The following HRH1 variants were observed in gnomAD, a reference collection of about 807,000 sequenced individuals.
HRH1 encodes histamine H1 receptor.
Under a neutral mutation model 10.3 loss-of-function variants are expected in HRH1, and 6 were observed. That is an observed-to-expected ratio of 0.58 (90% CI 0.32 to 1.15). The LOEUF (loss-of-function observed/expected upper bound fraction) is 1.15. Ranked by LOEUF, HRH1 falls within the 50% of genes most tolerant of loss-of-function variation. The pLI is 0.05. For missense variants in HRH1, 514 were observed against 615.3 expected (o/e 0.84, Z 1.74); for synonymous variants, 242 against 236.7 (o/e 1.02, Z -0.21).
chr3:11,244,881 G>A (rs1353373755), intron 1 of HRH1, among the ~76,000 whole-genome samples: 1 of 152,218 alleles, frequency 6.6e-6, no homozygotes, highest in Non-Finnish European at 1.5e-5. Context: ...TCCCCCAGGG[G>A]ATACCTGGCA....
intron 1 of HRH1, among the ~76,000 whole-genome samples, chr3:11,241,462 A>C (rs555474710): frequency 3.9e-5 from 6 of 152,162 alleles, no homozygotes; most frequent in African/African-American, 1.4e-4. Context: ...GGATTGTAAA[A>C]CGCACCAATC....
chr3:11,249,530 A>G (rs777016901), intron 1 of HRH1, among the ~76,000 whole-genome samples: 1 of 152,140 alleles, frequency 6.6e-6, no homozygotes, highest in East Asian at 1.9e-4. Context: ...TGCTCCTACC[A>G]TAAAAATGGC....
intron 1 of HRH1, among the ~76,000 whole-genome samples, chr3:11,225,523 C>T (rs578127453): frequency 2.0e-5 from 3 of 152,280 alleles, no homozygotes; most frequent in Admixed American, 6.5e-5. Flanking sequence ...CACTCAGTGA[C>T]GGGAACATAT....
At chr3:11,245,963 A>G (rs1164842327) in intron 1 of HRH1, among the ~76,000 whole-genome samples, 1 of 151,710 alleles carries the variant, frequency 6.6e-6, no homozygotes, top group Admixed American at 6.6e-5. Flanking sequence ...ACATACTCAT[A>G]CACACACACT....
intron 1 of HRH1, among the ~76,000 whole-genome samples, chr3:11,245,267 C>T (rs1939448272): frequency 1.3e-5 from 2 of 152,008 alleles, no homozygotes; most frequent in African/African-American, 4.8e-5. Context: ...GCAGGGGAAT[C>T]ACTTGAACCC....
At chr3:11,163,169 A>G (rs777126168) in intron 1 of HRH1, among the ~76,000 whole-genome samples, 7 of 151,788 alleles carry the variant, frequency 4.6e-5, no homozygotes, top group Non-Finnish European at 1.0e-4. Context: ...GCTCCTCCCC[A>G]CTGTGCATCA....
chr3:11,161,772 A>T (rs780202292), intron 1 of HRH1, among the ~76,000 whole-genome samples: 25 of 152,166 alleles, frequency 1.6e-4, no homozygotes, highest in Non-Finnish European at 3.4e-4. Flanking sequence ...TTGTTTATTG[A>T]TTGATTCTCA....
chr3:11,193,031 C>T (rs346089), intron 1 of HRH1, among the ~76,000 whole-genome samples: 132,996 of 152,316 alleles, frequency 0.87, 58,462 homozygotes, highest in East Asian at 1. Flanking sequence ...GTAATAAATA[C>T]AAGTTAAAGC....
intron 1 of HRH1, among the ~76,000 whole-genome samples, chr3:11,252,519 T>A (rs1939679834): frequency 6.6e-6 from 1 of 152,172 alleles, no homozygotes; most frequent in Admixed American, 6.5e-5. Context: ...AGACTGTCCA[T>A]CAGTATTGCT....
At chr3:11,210,780 A>G (rs1575015031) in intron 1 of HRH1, among the ~76,000 whole-genome samples, 1 of 148,396 alleles carries the variant, frequency 6.7e-6, no homozygotes, top group East Asian at 2.0e-4. Context: ...GCAACAGAGC[A>G]AGATCCTGTC....
chr3:11,228,971 C>T (rs1377581039), intron 1 of HRH1, among the ~76,000 whole-genome samples: 1 of 149,738 alleles, frequency 6.7e-6, no homozygotes, highest in East Asian at 2.0e-4. Context: ...GGAAACAATA[C>T]TGTGGGAACC....
intron 1 of HRH1, among the ~76,000 whole-genome samples, chr3:11,216,740 C>A (rs1451822951): frequency 6.6e-6 from 1 of 152,116 alleles, no homozygotes; most frequent in Non-Finnish European, 1.5e-5. Flanking sequence ...CTTAGCTGGA[C>A]ATGCTGGCAT....
rs148364261 is a variant in HRH1 at position 11,242,143 on chromosome 3, A to G, written c.-35-16860A>G. ...GAAGGTTTCTTCTTTTGCTCTTCACAGTAAATGTTGCTGCTCACTCTTTGG... is the reference window on the plus strand; with the variant it reads ...GAAGGTTTCTTCTTTTGCTCTTCACGGTAAATGTTGCTGCTCACTCTTTGG... On this transcript the variant is annotated intron_variant, in intron 1 of 1. Transcript: ENST00000431010. Among the ~76,000 whole-genome samples the G allele has an allele frequency of 1.1e-3, 160 of 152,262 alleles. 1 individual carries two copies. Among genetic ancestry groups the G allele is most frequent in the African/African-American group, 3.6e-3 (150 of 41,550 alleles).
At chr3:11,258,068 A>G (rs1283343524) in intron 1 of HRH1, among the ~76,000 whole-genome samples, 1 of 152,176 alleles carries the variant, frequency 6.6e-6, no homozygotes, top group Non-Finnish European at 1.5e-5. Flanking sequence ...AAAATAACGA[A>G]TATGCTTTTC....
chr3:11,201,231 G>A (rs1266236352), intron 1 of HRH1, among the ~76,000 whole-genome samples: 1 of 152,202 alleles, frequency 6.6e-6, no homozygotes, highest in African/African-American at 2.4e-5. Flanking sequence ...ATTGCCCTAC[G>A]GCCAGAGAGG....
intron 1 of HRH1, among the ~76,000 whole-genome samples, chr3:11,249,266 G>A (rs1312632488): frequency 6.6e-6 from 1 of 151,996 alleles, no homozygotes; most frequent in South Asian, 2.1e-4. Context: ...AGCTGGGCAT[G>A]GTGGCAGGTG....
upstream of HRH1, among the ~76,000 whole-genome samples, chr3:11,154,232 A>C (rs983893834): frequency 2.6e-5 from 4 of 151,962 alleles, no homozygotes; most frequent in African/African-American, 9.7e-5. This position sits in a 1 kb window ranked among gnomAD's most constrained non-coding sequence, Gnocchi z 4.4. Flanking sequence ...GCAGAGCCCG[A>C]GCCCGGGTAC....
At chr3:11,255,550 C>T (rs1575046341) in intron 1 of HRH1, among the ~76,000 whole-genome samples, 3 of 152,314 alleles carry the variant, frequency 2.0e-5, no homozygotes, top group Admixed American at 1.3e-4. Context: ...GTTGAGGACG[C>T]ACACCCATGA....
In HRH1 at chr3:11,260,431, C is replaced by G; in HGVS notation, c.1394C>G (p.Pro465Arg). 1 of 1,613,692 alleles carries G rather than the reference C, an allele frequency of 6.2e-7. No homozygotes were observed. Among genetic ancestry groups the G allele is most frequent in the Non-Finnish European group, 8.5e-7 (1 of 1,179,716 alleles). The change falls in exon 2 of 2, where the codon CCC (proline) becomes CGC (arginine). Residue 465 changes from proline (P) to arginine (R), a missense_variant. Pro to Arg is a moderately radical substitution (Grantham distance 103). Coordinates refer to ENST00000431010, the MANE Select transcript of HRH1 (RefSeq NM_001098212.2). ...GGCTACATCAACTCCACACTGAACCCCCTCATCTACCCCTTGTGCAATGAG... is the reference window on the plus strand; with the variant it reads ...GGCTACATCAACTCCACACTGAACCGCCTCATCTACCCCTTGTGCAATGAG... ...WLGYINSTLNPLIYPLCNENF... is the reference protein window; with the variant it reads ...WLGYINSTLNRLIYPLCNENF...
Sources: allele counts gnomAD v4.1 joint callset (sites outside exome capture counted in the v4.1 genomes callset), GRCh38; gene constraint gnomAD v4.1.1; non-coding constraint Gnocchi (gnomAD v3.1); transcripts MANE v1.5; gene names NCBI Gene and HGNC (gene_info 2026-07-23, HGNC 2026-07-21).